POLH: variants seen among roughly 807,000 people sequenced by gnomAD.
The protein encoded by POLH is DNA polymerase eta transcript.
In POLH, 53 loss-of-function variants were observed where a neutral mutation model predicts 73.6. That is an observed-to-expected ratio of 0.72 (90% confidence interval 0.58 to 0.91). POLH has a LOEUF of 0.91. Ranked by LOEUF, POLH falls within the 40% of genes least tolerant of loss-of-function variation. POLH has a pLI of 0.00. For missense variants in POLH, 768 were observed against 865.4 expected, an observed-to-expected ratio of 0.89 and a Z score of 1.41; for synonymous variants, 292 against 308.5, an observed-to-expected ratio of 0.95 and a Z score of 0.56.
chr6:43,603,922 T>G lies in POLH; in HGVS notation c.795T>G (p.Ser265=). ...IRSLGGKLGA[S]VIEILGIEYM... The stretch of plus-strand genomic sequence containing the variant: ...GTCTTGGAGGAAAGCTAGGGGCCTC[T>G]GTCATTGAGATCCTAGGGATAGAAT... The change falls in exon 7 of 11, where the codon TCT becomes TCG. Residue 265 remains serine, a synonymous_variant. Coordinates refer to ENST00000372236, the MANE Select transcript of POLH (RefSeq NM_006502.3). 1 of 1,613,150 alleles carries G rather than the reference T, an allele frequency of 6.2e-7. No individual in the cohort carries two copies. Among genetic ancestry groups the G allele is most frequent in the Non-Finnish European group, 8.5e-7 (1 of 1,179,134 alleles).
intron 10 of POLH, among the ~76,000 whole-genome samples, 196 bp downstream of exon 10, chr6:43,610,919 C>T (rs1258151907): frequency 6.8e-6 from 1 of 147,826 alleles, no homozygotes; most frequent in Non-Finnish European, 1.5e-5. Context: ...GGGTAAATGT[C>T]ATTTTAAAGT....
intron 2 of POLH, 49 bp from the exon 3 acceptor site, chr6:43,582,958 C>T (rs771918508): frequency 6.6e-7 from 1 of 1,525,788 alleles, no homozygotes; most frequent in Non-Finnish European, 9.0e-7. Flanking sequence ...CTTGTTTTTG[C>T]TTGTGATCAT....
In POLH at chr6:43,614,424, A is replaced by G. The variant is rs377690160; in HGVS notation, c.2009A>G (p.Asn670Ser). 2.6e-5 allele frequency: 42 copies of G among 1,613,844 alleles called. No individual in the cohort carries two copies. The East Asian group carries it at 3.3e-4, about 13-fold the overall frequency. The change falls in exon 11 of 11, where the codon AAC becomes AGC. Residue 670 changes from asparagine (N) to serine (S), a missense_variant. Transcript: ENST00000372236. ...QKSFLQPHSS[N>S]PQVVSAVSHQ... ...TCCTTTTTGCAGCCCCACTCTTCAA[A>G]CCCCCAGGTTGTTTCTGCCGTATCT...
In POLH at chr6:43,605,320, G is replaced by A; in HGVS notation, c.1074+1G>A. Reference sequence around the variant, plus strand: ...GAGACTGACTAAAGACCGAAATGATGTAAGATTTTCTTTCTTTATTCCTGG... The same window carrying A: ...GAGACTGACTAAAGACCGAAATGATATAAGATTTTCTTTCTTTATTCCTGG... On this transcript the variant is annotated splice_donor_variant, in intron 9 of 10. Transcript: ENST00000372236. LOFTEE classifies it high-confidence loss of function. 1 of 1,554,390 alleles carries A rather than the reference G, an allele frequency of 6.4e-7. No homozygotes were observed. The highest frequency in any genetic ancestry group is 8.9e-7 in the Non-Finnish European group (1 of 1,126,774).
chr6:43,588,909 C>G (rs1765135288), intron 4 of POLH, among the ~76,000 whole-genome samples: 2 of 151,896 alleles, frequency 1.3e-5, no homozygotes, highest in African/African-American at 4.8e-5. Context: ...GCTATCTCGG[C>G]TCACTGCAAG....
chr6:43,582,571 C>T (rs1174147231), intron 2 of POLH, 115 bp downstream of exon 2: 9 of 1,059,320 alleles, frequency 8.5e-6, no homozygotes, highest in Admixed American at 5.1e-5. Flanking sequence ...TCTGTTGTCC[C>T]ATCCAGAGCG....
Position 43,616,998 on chromosome 6 carries a change from T to C in POLH, c.*2441T>C, listed in dbSNP as rs182931718. ...TGAAGTCAGGAGTTCAAGACAAGCA[T>C]GGCCAACATGGCGAAACCCTGTATC... is the stretch of plus-strand genomic sequence containing the variant. On this transcript the variant is annotated 3_prime_UTR_variant, in exon 11 of 11. Transcript: ENST00000372236. Among the ~76,000 whole-genome samples the C allele has an allele frequency of 1.2e-4, 19 of 152,306 alleles. No individual in the cohort carries two copies. The East Asian group carries it at 3.5e-3, about 28-fold the overall frequency.
chr6:43,578,254 G>GC (rs1162155947), intron 1 of POLH, among the ~76,000 whole-genome samples: 1 of 152,152 alleles, frequency 6.6e-6, no homozygotes, highest in East Asian at 1.9e-4. Context: ...GGGCGTGGTG[G>GC]CGTGCGCCTG....
intron 1 of POLH, among the ~76,000 whole-genome samples, chr6:43,579,996 A>G (rs1270760608): frequency 7.0e-6 from 1 of 142,148 alleles, no homozygotes; most frequent in Non-Finnish European, 1.5e-5. Flanking sequence ...AGTGGAGGGA[A>G]GGTCAGCAGA....
Position 43,620,522 on chromosome 6 carries a change from T to C in POLH, c.*5965T>C. 1 of 216,062 alleles carries C rather than the reference T, an allele frequency of 4.6e-6. No individual in the cohort carries two copies. The highest frequency in any genetic ancestry group is 9.4e-6 in the Non-Finnish European group (1 of 106,560). 13.4% of individuals were successfully genotyped at this position (216,062 alleles called of 1,614,324 possible). ...AATAAAACATTTTTATTCTGTACAA[T>C]ATATATGTGTATTTAAATATATATA... is the stretch of plus-strand genomic sequence containing the variant. On this transcript the variant is annotated 3_prime_UTR_variant, in exon 11 of 11. Transcript: ENST00000372236.
At chr6:43,579,246 TC>T (rs1408344811) in intron 1 of POLH, among the ~76,000 whole-genome samples, 2 of 152,202 alleles carry the variant, frequency 1.3e-5, no homozygotes, top group African/African-American at 2.4e-5. Context: ...CATAAGACTT[TC>T]ATTTCAGAAG....
In POLH at chr6:43,604,854, CAG is replaced by C. The variant is rs1275699458; in HGVS notation, c.1008+118_1008+119del. The C allele has an allele frequency of 7.5e-6, 8 of 1,066,136 alleles. No homozygotes were observed. The Admixed American group carries it at 1.4e-4, about 19-fold the overall frequency. 66.0% of individuals were successfully genotyped at this position (1,066,136 alleles called of 1,614,324 possible). On this transcript the variant is annotated intron_variant, in intron 8 of 10. Coordinates refer to ENST00000372236, the MANE Select transcript of POLH (RefSeq NM_006502.3). The stretch of plus-strand genomic sequence containing the variant: ...AGACCTTTATAAAGTATGAAGAAAA[CAG>C]ATGTTCTGTCCTTGGGTTGAAAATT...
intron 1 of POLH, 26 bp from the exon 2 acceptor site, chr6:43,582,290 A>T (rs760011315): frequency 3.7e-5 from 60 of 1,611,404 alleles, no homozygotes; most frequent in Non-Finnish European, 5.0e-5. Context: ...TGTTTTTCTA[A>T]CTGTCCATAA....
chr6:43,605,178 GAACA>G (rs1767137890), intron 8 of POLH, 72 bp from the exon 9 acceptor site: 2 of 856,892 alleles, frequency 2.3e-6, no homozygotes, highest in Non-Finnish European at 3.9e-6. Context: ...AGAAAAAAAA[GAACA>G]AATAACACCA....
At chr6:43,580,869 G>T (rs1448810344) in intron 1 of POLH, among the ~76,000 whole-genome samples, 6 of 147,768 alleles carry the variant, frequency 4.1e-5, no homozygotes, top group South Asian at 2.1e-4. Flanking sequence ...CCTCCCAGAC[G>T]GGGCGGCTGG....
At chr6:43,590,004 T>C (rs1252148105) in intron 4 of POLH, among the ~76,000 whole-genome samples, 1 of 152,170 alleles carries the variant, frequency 6.6e-6, no homozygotes, top group Non-Finnish European at 1.5e-5. Context: ...AGTGTTTTAA[T>C]AACATGTACT....
intron 3 of POLH, among the ~76,000 whole-genome samples, chr6:43,586,225 T>C (rs1237597652): frequency 6.6e-6 from 1 of 152,028 alleles, no homozygotes; most frequent in Admixed American, 6.5e-5. Flanking sequence ...ACGCCGGTAA[T>C]CCCAGCACTT....
chr6:43,610,999 G>A (rs1262083119), intron 10 of POLH, among the ~76,000 whole-genome samples: 1 of 152,146 alleles, frequency 6.6e-6, no homozygotes, highest in African/African-American at 2.4e-5. Context: ...GGCCAAGGTG[G>A]GTGAATCACC....
Position 43,587,369 on chromosome 6 carries a change from G to A in POLH, c.370G>A (p.Ala124Thr), listed in dbSNP as rs1764942067. Residue 124 changes from alanine to threonine, a missense_variant, in exon 4 of 11, where the codon GCT becomes ACT. Transcript: ENST00000372236. ...IDEAYVDLTS[A>T]VQERLQKLQG... The stretch of plus-strand genomic sequence containing the variant: ...TGAGGCTTACGTAGATCTGACCAGT[G>A]CTGTACAAGAGAGACTACAAAAGCT... 1.9e-6 allele frequency: 3 copies of A among 1,614,116 alleles called. No individual in the cohort carries two copies. The East Asian group carries it at 6.7e-5, about 36-fold the overall frequency.
Sources: allele counts gnomAD v4.1 joint callset (sites outside exome capture counted in the v4.1 genomes callset), GRCh38; gene constraint gnomAD v4.1.1; transcripts MANE v1.5; gene names NCBI Gene and HGNC (gene_info 2026-07-23, HGNC 2026-07-21).